The following IARS1 variants were observed in gnomAD, a reference collection of about 807,000 sequenced individuals.
IARS1 encodes isoleucyl-tRNA synthetase 1.
Under a neutral mutation model 168.2 loss-of-function variants are expected in IARS1, and 124 were observed. The observed-to-expected ratio is 0.74, with a 90% CI of 0.64 to 0.86. The LOEUF (loss-of-function observed/expected upper bound fraction) is 0.86, where lower values mean the gene tolerates loss of function less well. Ranked by LOEUF, IARS1 falls within the 40% of genes least tolerant of loss-of-function variation. IARS1 has a pLI of 0.00. For missense variants in IARS1, 1,452 were observed against 1,515.8 expected (o/e 0.96, Z 0.70); for synonymous variants, 532 against 529.4 (o/e 1.00, Z -0.07).
At chr9:92,246,276 T>C (rs550789216) in intron 26 of IARS1, among the ~76,000 whole-genome samples, 95 of 152,350 alleles carry the variant, frequency 6.2e-4, no homozygotes, top group Non-Finnish European at 1.2e-3. Context: ...CCATCTGATT[T>C]ATGAATCCTC....
chr9:92,287,800 A>G lies in IARS1; in HGVS notation c.387T>C (p.Ala129=), dbSNP rs746230509. The G allele has an allele frequency of 6.2e-7, 1 of 1,612,332 alleles. No individual in the cohort carries two copies. The highest frequency in any genetic ancestry group is 8.5e-7 in the Non-Finnish European group (1 of 1,179,396). The change falls in exon 4 of 34, where the codon GCT becomes GCC. Residue 129 remains alanine, a synonymous_variant. Transcript: ENST00000443024. The stretch of plus-strand genomic sequence containing the variant: ...AAAAAACCCAACATACCTTCCACTC[A>G]GCAGAATATCTCATCACAATTGCTC... ...QCRAIVMRYS[A]EWKSTVSRLG... is the part of the protein sequence containing the mutation.
chr9:92,281,073 T>C (rs1834484797), intron 6 of IARS1, among the ~76,000 whole-genome samples, 180 bp from the exon 7 acceptor site: 1 of 151,084 alleles, frequency 6.6e-6, no homozygotes, highest in African/African-American at 2.4e-5. Context: ...TTAAATACTT[T>C]AAAAAATGTT....
In IARS1 at chr9:92,223,395, A is replaced by C; in HGVS notation, c.3504T>G (p.Thr1168=). Residue 1168 remains threonine (T), a synonymous_variant, in exon 32 of 34, where the codon ACT becomes ACG. Transcript: ENST00000443024. The part of the protein sequence containing the change: ...SAPSLINSSS[T]LLCQYINLQL... ...GTAGGTTGATATACTGACAAAGAAG[A>C]GTACTAGAACTGTTGATCAGAGAGG... 1 of 1,613,252 alleles carries C rather than the reference A, an allele frequency of 6.2e-7. No homozygotes were observed. Among genetic ancestry groups the C allele is most frequent in the Admixed American group, 1.7e-5 (1 of 59,992 alleles).
At chr9:92,246,529 T>A (rs1016783454) in intron 26 of IARS1, among the ~76,000 whole-genome samples, 1 of 152,202 alleles carries the variant, frequency 6.6e-6, no homozygotes, top group Non-Finnish European at 1.5e-5. Flanking sequence ...TACCCCCACA[T>A]GTTTTTATGT....
In IARS1 at chr9:92,289,399, T is replaced by C. The variant is rs758478677; in HGVS notation, c.21A>G (p.Glu7=). The C allele has an allele frequency of 6.4e-7, 1 of 1,557,246 alleles. No individual in the cohort carries two copies. MLQQVP[E]NINFPAEEEK... ...CTTCTTCAGCAGGAAAATTTATGTT[T>C]TCTGGAACTTGTTGAAGCATTTTGT... The change falls in exon 2 of 34, where the codon GAA becomes GAG. Residue 7 remains glutamate (E), a synonymous_variant. Coordinates refer to ENST00000443024, the MANE Select transcript of IARS1 (RefSeq NM_002161.6).
Position 92,216,323 on chromosome 9 carries a change from A to G in IARS1, c.3707-5434T>C, listed in dbSNP as rs1838683990. ...GTACCAGCTGCTGCAAAATCATGCCAAAATGTAAAGACCATCGAGACTAGG... is the reference window on the plus strand; with the variant it reads ...GTACCAGCTGCTGCAAAATCATGCCGAAATGTAAAGACCATCGAGACTAGG... On this transcript the variant is annotated intron_variant, in intron 33 of 33. Coordinates refer to ENST00000443024, the MANE Select transcript of IARS1 (RefSeq NM_002161.6). Among the ~76,000 whole-genome samples, 4 of 151,738 alleles carry G rather than the reference A, an allele frequency of 2.6e-5. No homozygotes were observed. In the South Asian group the frequency reaches 8.4e-4, roughly 32 times the overall value.
chr9:92,249,527 A>G (rs1829712687), intron 25 of IARS1, among the ~76,000 whole-genome samples: 2 of 152,198 alleles, frequency 1.3e-5, no homozygotes, highest in Non-Finnish European at 2.9e-5. Context: ...CCTGGATGAC[A>G]GAGTGAGAGA....
intron 10 of IARS1, 151 bp from the exon 11 acceptor site, chr9:92,271,806 G>A (rs180853806): frequency 4.7e-5 from 39 of 830,178 alleles, no homozygotes; most frequent in South Asian, 1.6e-4. Flanking sequence ...AAGACCATTC[G>A]GAGAATCAGA....
At chr9:92,269,226 C>A (rs1832695933) in intron 13 of IARS1, among the ~76,000 whole-genome samples, 1 of 152,212 alleles carries the variant, frequency 6.6e-6, no homozygotes, top group African/African-American at 2.4e-5. Flanking sequence ...TCTCCCCATT[C>A]TCCTAAACTC....
At chr9:92,283,423 C>T (rs558388615) in intron 6 of IARS1, among the ~76,000 whole-genome samples, 2 of 152,156 alleles carry the variant, frequency 1.3e-5, no homozygotes, top group South Asian at 2.1e-4. Context: ...GCAGGTGGAT[C>T]AACTGAGGTA....
In IARS1 at chr9:92,271,551, G is replaced by A. The variant is rs376328444; in HGVS notation, c.1095C>T (p.Phe365=). The A allele has an allele frequency of 4.6e-5, 74 of 1,614,022 alleles. 1 individual carries two copies. In the Middle Eastern group the frequency reaches 5.0e-4, roughly 11 times the overall value. Residue 365 remains phenylalanine, a synonymous_variant, in exon 11 of 34, where the codon TTC becomes TTT. Transcript: ENST00000443024. ...TACAGACCTTCACATACTGTCCTGC[G>A]AAATCTGTCACCTCCGTTGTGAAGC... ...SGCFTTEVTD[F]AGQYVKDADK... is the part of the protein sequence containing the mutation.
At chr9:92,292,171 C>CCACACTCAG (rs1836456626) in intron 1 of IARS1, among the ~76,000 whole-genome samples, 1 of 140,178 alleles carries the variant, frequency 7.1e-6, no homozygotes, top group African/African-American at 3.0e-5. Context: ...GTGTGCACCA[C>CCACACTCAG]CACACTCAGC....
chr9:92,227,752 G>A (rs923232293), intron 31 of IARS1, among the ~76,000 whole-genome samples: 1 of 151,746 alleles, frequency 6.6e-6, no homozygotes, highest in Admixed American at 6.6e-5. Context: ...GCCGGGCAGA[G>A]ACGCTCCTCA....
At chr9:92,240,485 C>A in intron 30 of IARS1, 2 of 577,474 alleles carry the variant, frequency 3.5e-6, no homozygotes, top group South Asian at 2.4e-5. Flanking sequence ...GTCTTGAACT[C>A]CTGACCTCAA....
chr9:92,250,808 T>C lies in IARS1; in HGVS notation c.2334A>G (p.Glu778=). The part of the protein sequence containing the change: ...LMAPYTPFLT[E]LMYQNLKVLI... ...GCACCTTTAGATTCTGGTACATCAATTCAGTGAGAAAAGGTGTGTAGGGAG... is the reference window on the plus strand; with the variant it reads ...GCACCTTTAGATTCTGGTACATCAACTCAGTGAGAAAAGGTGTGTAGGGAG... The change falls in exon 23 of 34, where the codon GAA becomes GAG. Residue 778 remains glutamate (E), a synonymous_variant. Coordinates refer to ENST00000443024, the MANE Select transcript of IARS1 (RefSeq NM_002161.6). 3 of 1,612,366 alleles carry C rather than the reference T, an allele frequency of 1.9e-6. No homozygotes were observed. Among genetic ancestry groups the C allele is most frequent in the Non-Finnish European group, 1.7e-6 (2 of 1,179,248 alleles).
chr9:92,287,667 G>A, intron 4 of IARS1, 124 bp downstream of exon 4: 2 of 1,045,560 alleles, frequency 1.9e-6, no homozygotes, highest in Non-Finnish European at 1.4e-6. Flanking sequence ...GGTTGAAGGT[G>A]GAAGCTAACA....
intron 6 of IARS1, among the ~76,000 whole-genome samples, chr9:92,282,363 C>T (rs1205081871): frequency 2.0e-5 from 3 of 151,726 alleles, no homozygotes; most frequent in African/African-American, 7.3e-5. Flanking sequence ...AGTGCAGTGA[C>T]GTGATCTCAG....
intron 30 of IARS1, among the ~76,000 whole-genome samples, chr9:92,233,435 G>C (rs1197567988): frequency 6.6e-6 from 1 of 152,226 alleles, no homozygotes; most frequent in African/African-American, 2.4e-5. Context: ...TGAATCTAAA[G>C]TGTTTCATCT....
chr9:92,281,881 TAA>T (rs1834627134), intron 6 of IARS1, among the ~76,000 whole-genome samples: 1 of 152,162 alleles, frequency 6.6e-6, no homozygotes, highest in African/African-American at 2.4e-5. Context: ...TTATGAGGCA[TAA>T]AGAGACTAAA....
Sources: allele counts gnomAD v4.1 joint callset (sites outside exome capture counted in the v4.1 genomes callset), GRCh38; gene constraint gnomAD v4.1.1; transcripts MANE v1.5; gene names NCBI Gene and HGNC (gene_info 2026-07-23, HGNC 2026-07-21).